Variants in GABRB3 observed in about 807,000 individuals in gnomAD.
GABRB3 encodes the protein gamma-aminobutyric acid type A receptor subunit beta3.
A neutral mutation model predicts 52.1 loss-of-function variants in GABRB3; 14 were observed. The observed-to-expected ratio is 0.27, with a 90% CI of 0.18 to 0.42. The LOEUF (loss-of-function observed/expected upper bound fraction) is 0.42. Among genes scored for constraint, GABRB3 ranks in the 10% least tolerant of loss-of-function variants. The pLI is 1.00. For missense variants in GABRB3, 307 were observed against 609.1 expected (o/e 0.50, Z 5.22); for synonymous variants, 260 against 232.3 (o/e 1.12, Z -1.08).
chr15:26,754,402 A>T (rs1890599721), intron 3 of GABRB3, among the ~76,000 whole-genome samples: 1 of 152,208 alleles, frequency 6.6e-6, no homozygotes, highest in South Asian at 2.1e-4. Flanking sequence ...TTCTGAGCAG[A>T]TTTCACCAAG....
At position 26,772,422 on chromosome 15, in the gene GABRB3, T is replaced by C. The variant is rs1456675163; in HGVS notation, c.220A>G (p.Met74Val). The change falls in exon 3 of 9, where the codon ATG (methionine) becomes GTG (valine). Residue 74 changes from methionine to valine, a missense_variant. Transcript: ENST00000311550. ...GMNIDIASID[M>V]VSEVNMDYTL... ...CTCACCATGTTGACTTCGGAAACCA[T>C]GTCGATGCTGGCGATGTCGATGTTC... 4 of 1,610,358 alleles carry C rather than the reference T, an allele frequency of 2.5e-6. No homozygotes were observed. Among genetic ancestry groups the C allele is most frequent in the Non-Finnish European group, 2.5e-6 (3 of 1,178,328 alleles).
chr15:26,709,019 C>A (rs1595543016), intron 3 of GABRB3, among the ~76,000 whole-genome samples: 2 of 152,162 alleles, frequency 1.3e-5, no homozygotes, highest in African/African-American at 4.8e-5. Context: ...ATCTTTTCTA[C>A]TAAAAGATCA....
intron 4 of GABRB3, among the ~76,000 whole-genome samples, chr15:26,609,347 A>G (rs1595479602): frequency 6.6e-6 from 1 of 152,256 alleles, no homozygotes; most frequent in African/African-American, 2.4e-5. Flanking sequence ...GAATGGGGCA[A>G]TGATTATCAA....
intron 3 of GABRB3, among the ~76,000 whole-genome samples, chr15:26,686,515 T>C (rs753338004): frequency 4.6e-5 from 7 of 152,248 alleles, no homozygotes; most frequent in Admixed American, 6.5e-5. Context: ...ATGCAACTCC[T>C]ATCAGAAGGC....
chr15:26,717,798 T>A (rs1379848109), intron 3 of GABRB3, among the ~76,000 whole-genome samples: 1 of 152,218 alleles, frequency 6.6e-6, no homozygotes. Flanking sequence ...CTTGTCAGTC[T>A]GGTATTTGGC....
chr15:26,702,356 G>A (rs537300844), intron 3 of GABRB3, among the ~76,000 whole-genome samples: 53 of 152,208 alleles, frequency 3.5e-4, no homozygotes, highest in African/African-American at 1.3e-3. Flanking sequence ...ATTATGTAAG[G>A]AACCCTTGAG....
chr15:26,734,070 C>T (rs1309171017), intron 3 of GABRB3, among the ~76,000 whole-genome samples: 1 of 140,934 alleles, frequency 7.1e-6, no homozygotes, highest in East Asian at 2.1e-4. Context: ...GCTCTTGTTG[C>T]CCAGGCTGGA....
chr15:26,615,450 C>T, intron 4 of GABRB3: 4 of 986,760 alleles, frequency 4.1e-6, no homozygotes, highest in Non-Finnish European at 4.8e-6. Context: ...TAGTGTTACC[C>T]CAAGTTTCAA....
chr15:26,729,940 ACCT>A (rs1391522733), intron 3 of GABRB3, among the ~76,000 whole-genome samples: 1 of 152,120 alleles, frequency 6.6e-6, no homozygotes, highest in African/African-American at 2.4e-5. Context: ...CCCTGATGTA[ACCT>A]CAGTACCTAG....
intron 3 of GABRB3, among the ~76,000 whole-genome samples, chr15:26,695,126 T>C (rs576482696): frequency 9.9e-5 from 15 of 152,144 alleles, no homozygotes; most frequent in Non-Finnish European, 2.1e-4. Context: ...ACTTAAGAAA[T>C]AGTCAGTGTA....
chr15:26,691,357 C>G (rs1318170430), intron 3 of GABRB3, among the ~76,000 whole-genome samples: 2 of 152,232 alleles, frequency 1.3e-5, no homozygotes, highest in Non-Finnish European at 1.5e-5. Context: ...AAAAAAGAAG[C>G]CTGAACAATA....
chr15:26,641,402 G>A (rs2140572820), intron 3 of GABRB3, among the ~76,000 whole-genome samples: 2 of 152,314 alleles, frequency 1.3e-5, no homozygotes, highest in South Asian at 4.1e-4. Flanking sequence ...TCTGGCACTG[G>A]CCAGAGGAAG....
chr15:26,702,076 A>G (rs564579728), intron 3 of GABRB3, among the ~76,000 whole-genome samples: 176 of 152,314 alleles, frequency 1.2e-3, no homozygotes, highest in African/African-American at 3.9e-3. Flanking sequence ...ACCTTCCACT[A>G]TACATAAAAA....
At chr15:26,769,711 A>G (rs191141728) in intron 3 of GABRB3, among the ~76,000 whole-genome samples, 142 of 152,256 alleles carry the variant, frequency 9.3e-4, no homozygotes, top group African/African-American at 3.2e-3. Flanking sequence ...TTATTTCATG[A>G]AAGTTTCCAC....
intron 3 of GABRB3, among the ~76,000 whole-genome samples, chr15:26,748,278 T>C (rs2140168507): frequency 6.6e-6 from 1 of 152,284 alleles, no homozygotes; most frequent in African/African-American, 2.4e-5. Flanking sequence ...TAGAGGAGAC[T>C]GCATACAGCT....
At chr15:26,650,682 T>C (rs1887169054) in intron 3 of GABRB3, among the ~76,000 whole-genome samples, 1 of 152,050 alleles carries the variant, frequency 6.6e-6, no homozygotes, top group African/African-American at 2.4e-5. Flanking sequence ...TACATGTGCC[T>C]ACCCTTTCCT....
At chr15:26,732,322 ATG>A (rs1889948342) in intron 3 of GABRB3, among the ~76,000 whole-genome samples, 1 of 148,810 alleles carries the variant, frequency 6.7e-6, no homozygotes, top group African/African-American at 2.6e-5. Context: ...GGATGGATGG[ATG>A]GATGGATGGA....
chr15:26,554,173 A>ATATAT lies in GABRB3; in HGVS notation c.1081-6040_1081-6039insATATA, dbSNP rs1491240523. Among the ~76,000 whole-genome samples the ATATAT allele has an allele frequency of 3.8e-4, 12 of 31,390 alleles. 1 individual carries two copies. The East Asian group carries it at 0.017, about 46-fold the overall frequency. 20.6% of individuals were successfully genotyped at this position (31,390 alleles called of 152,430 possible). A position where few individuals can be genotyped will look rare whatever the true frequency, so the allele number is the denominator to read the frequency against. On this transcript the variant is annotated intron_variant, in intron 8 of 8. Coordinates refer to ENST00000311550, the MANE Select transcript of GABRB3 (RefSeq NM_000814.6). ...ATATATATATAAAGTATATATATAT[A>ATATAT]AAGTATATATATATATACTATATAT...
At chr15:26,674,258 T>G (rs990906342) in intron 3 of GABRB3, among the ~76,000 whole-genome samples, 1 of 151,128 alleles carries the variant, frequency 6.6e-6, no homozygotes, top group Non-Finnish European at 1.5e-5. Flanking sequence ...AAAATTTGCC[T>G]GGCATGGTGG....
Sources: gnomAD v4.1 joint callset for allele counts (sites outside exome capture counted in the v4.1 genomes callset) on GRCh38, gnomAD v4.1.1 for gene constraint, MANE v1.5 for transcripts, NCBI Gene and HGNC (gene_info 2026-07-23, HGNC 2026-07-21) for gene names.